Variants in HTT observed in about 807,000 individuals in gnomAD.
HTT encodes huntington disease protein.
A neutral mutation model predicts 362.3 loss-of-function variants in HTT; 104 were observed. That is an observed-to-expected ratio of 0.29 (90% confidence interval 0.24 to 0.34). The LOEUF is 0.34. HTT is among the 10% of genes least tolerant of loss of function. The pLI is 1.00. For synonymous variants in HTT, 1,577 were observed against 1,548.7 expected (o/e 1.02, Z -0.43); for missense variants, 3,301 against 3,928.6 (o/e 0.84, Z 4.27).
At position 3,217,868 on chromosome 4, in the gene HTT, G is replaced by A. The variant is rs750553624; in HGVS notation, c.7158G>A (p.Ala2386=). The A allele has an allele frequency of 1.5e-5, 25 of 1,614,200 alleles. No homozygotes were observed. Among genetic ancestry groups the A allele is most frequent in the East Asian group, 4.5e-5 (2 of 44,890 alleles). Residue 2386 remains alanine (A), a synonymous_variant, in exon 52 of 67, where the codon GCG becomes GCA. Transcript: ENST00000355072. The part of the protein sequence containing the change: ...LGHKRNSGVP[A]FLTPLLRNII... ...ATAAAAGGAATAGCGGCGTGCCGGC[G>A]TTTCTCACGCCATTGCTAAGGAACA...
At chr4:3,233,580 T>C (rs1363384834) in intron 61 of HTT, among the ~76,000 whole-genome samples, 1 of 152,194 alleles carries the variant, frequency 6.6e-6, no homozygotes, top group Non-Finnish European at 1.5e-5. Context: ...CCTCTGCTGC[T>C]GTCTCATGTG....
intron 22 of HTT, 66 bp from the exon 23 acceptor site, chr4:3,142,700 G>T: frequency 1.2e-6 from 1 of 805,438 alleles, no homozygotes; most frequent in Non-Finnish European, 1.9e-6. Context: ...ACTTTTAAAT[G>T]CCATTTGATC....
intron 52 of HTT, among the ~76,000 whole-genome samples, chr4:3,219,179 T>TG (rs961343824): frequency 2.0e-5 from 3 of 152,130 alleles, no homozygotes; most frequent in Admixed American, 2.0e-4. Flanking sequence ...AGGCCACACT[T>TG]GCTGCATGGG....
chr4:3,095,148 C>T (rs1481102156), intron 2 of HTT, among the ~76,000 whole-genome samples: 1 of 152,244 alleles, frequency 6.6e-6, no homozygotes, highest in Non-Finnish European at 1.5e-5. Context: ...AGGCCGCAAT[C>T]TTGGCACTTT....
Position 3,075,108 on chromosome 4 carries a change from A to G in HTT, c.263+20A>G. 1 of 1,224,470 alleles carries G rather than the reference A, an allele frequency of 8.2e-7. No individual in the cohort carries two copies. Among genetic ancestry groups the G allele is most frequent in the Non-Finnish European group, 1.0e-6 (1 of 985,368 alleles). 75.9% of individuals were successfully genotyped at this position (1,224,470 alleles called of 1,614,324 possible). A position where few individuals can be genotyped will look rare whatever the true frequency, so the allele number is the denominator to read the frequency against. On this transcript the variant is annotated intron_variant, in intron 1 of 66. Coordinates refer to ENST00000355072, the MANE Select transcript of HTT (RefSeq NM_001388492.1). ...CCGACCGTGAGTTTGGGCCCGCTGC[A>G]GCTCCCTGTCCCGGCGGGTCCCAGG...
rs369426776 is a variant in HTT, at chr4:3,157,146, C to T, written c.3700C>T (p.Pro1234Ser). 15 of 1,613,432 alleles carry T rather than the reference C, an allele frequency of 9.3e-6. No individual in the cohort carries two copies. The African/African-American group carries it at 1.9e-4, about 20-fold the overall frequency. The stretch of plus-strand genomic sequence containing the variant: ...ATCACTGGGGAGTTTCTATCATCTT[C>T]CTTCATACCTCAAACTGCATGATGT... ...SSSLGSFYHL[P>S]SYLKLHDVLK... is the part of the protein sequence containing the mutation. The change falls in exon 28 of 67, where the codon CCT becomes TCT. Residue 1234 changes from proline (P) to serine (S), a missense_variant. Coordinates refer to ENST00000355072, the MANE Select transcript of HTT (RefSeq NM_001388492.1).
At chr4:3,101,833 G>A (rs1714173382) in intron 3 of HTT, among the ~76,000 whole-genome samples, 2 of 152,190 alleles carry the variant, frequency 1.3e-5, no homozygotes, top group Admixed American at 1.3e-4. Flanking sequence ...CCGTCAAGAG[G>A]CTGAAGTGAT....
chr4:3,170,651 A>C (rs1717927480), intron 29 of HTT, among the ~76,000 whole-genome samples: 1 of 152,096 alleles, frequency 6.6e-6, no homozygotes, highest in Admixed American at 6.5e-5. Flanking sequence ...GCACCTCTTC[A>C]ATTCAGAGGG....
intron 29 of HTT, among the ~76,000 whole-genome samples, chr4:3,166,973 G>T (rs1187145325): frequency 1.3e-5 from 2 of 152,254 alleles, no homozygotes; most frequent in Non-Finnish European, 2.9e-5. Flanking sequence ...CCAGTGAGAT[G>T]AACTAGGTAC....
rs904661043 is a variant in HTT, at chr4:3,112,103, G to A, written c.748-3201G>A. Among the ~76,000 whole-genome samples, 7 of 152,122 alleles carry A rather than the reference G, an allele frequency of 4.6e-5. No homozygotes were observed. The South Asian group carries it at 8.3e-4, about 18-fold the overall frequency. ...TGTCCCTGTTCTGTTCTTTCTGTTCGTGTAAATATATGCTTTATACAACTT... is the reference window on the plus strand; with the variant it reads ...TGTCCCTGTTCTGTTCTTTCTGTTCATGTAAATATATGCTTTATACAACTT... On this transcript the variant is annotated intron_variant, in intron 6 of 66. Transcript: ENST00000355072.
intron 9 of HTT, among the ~76,000 whole-genome samples, chr4:3,122,476 GA>G (rs1469245436): frequency 6.6e-6 from 1 of 152,206 alleles, no homozygotes; most frequent in Non-Finnish European, 1.5e-5. Flanking sequence ...CCATGAGCAG[GA>G]AATGTTAATC....
At chr4:3,106,842 G>T (rs902051103) in intron 5 of HTT, among the ~76,000 whole-genome samples, 1 of 152,212 alleles carries the variant, frequency 6.6e-6, no homozygotes, top group Admixed American at 6.5e-5. Flanking sequence ...CACTCTGTGT[G>T]TTGGGTGAAT....
chr4:3,166,795 A>C (rs1382582967), intron 29 of HTT, among the ~76,000 whole-genome samples: 1 of 152,210 alleles, frequency 6.6e-6, no homozygotes, highest in South Asian at 2.1e-4. Context: ...ACTGTGGGAA[A>C]AGTGCAGTAT....
intron 40 of HTT, among the ~76,000 whole-genome samples, chr4:3,196,858 G>A (rs1282188457): frequency 6.6e-6 from 1 of 152,004 alleles, no homozygotes; most frequent in East Asian, 1.9e-4. Flanking sequence ...AGCCTTAAAT[G>A]AAAAACAAAC....
At chr4:3,121,162 A>G in intron 8 of HTT, 66 bp from the exon 9 acceptor site, 1 of 1,252,136 alleles carries the variant, frequency 8.0e-7, no homozygotes, top group South Asian at 1.3e-5. Flanking sequence ...AAAAACAACA[A>G]AAAAGTGAAG....
intron 19 of HTT, among the ~76,000 whole-genome samples, chr4:3,134,843 C>T (rs1715986120): frequency 6.6e-6 from 1 of 152,132 alleles, no homozygotes; most frequent in Non-Finnish European, 1.5e-5. Context: ...GGTCCTCCTG[C>T]CTCAGCCTCC....
Position 3,086,487 on chromosome 4 carries a change from G to C in HTT, c.264-452G>C, listed in dbSNP as rs143614224. On this transcript the variant is annotated intron_variant, in intron 1 of 66. Coordinates refer to ENST00000355072, the MANE Select transcript of HTT (RefSeq NM_001388492.1). ...GGAGTTTGAGCAATTGGGCAACATC[G>C]TGAGGCCCCGTCTCTACAAAATATT... 5.9e-5 allele frequency among the ~76,000 whole-genome samples: 9 copies of C among 152,222 alleles called. No individual in the cohort carries two copies. In the East Asian group the frequency reaches 1.7e-3, roughly 29 times the overall value.
intron 6 of HTT, among the ~76,000 whole-genome samples, chr4:3,113,463 G>T (rs1226076402): frequency 6.6e-6 from 1 of 152,056 alleles, no homozygotes; most frequent in Non-Finnish European, 1.5e-5. Context: ...TCAAGTAGCT[G>T]AGACTGCAGG....
intron 21 of HTT, among the ~76,000 whole-genome samples, chr4:3,137,286 T>C (rs552678751): frequency 8.2e-4 from 125 of 152,292 alleles, no homozygotes; most frequent in Non-Finnish European, 1.4e-3. Flanking sequence ...TCACTTTGAG[T>C]GTATAGTAAA....
Sources: gnomAD v4.1 joint callset for allele counts (sites outside exome capture counted in the v4.1 genomes callset) on GRCh38, gnomAD v4.1.1 for gene constraint, MANE v1.5 for transcripts, NCBI Gene and HGNC (gene_info 2026-07-23, HGNC 2026-07-21) for gene names.